MAML3: variants seen among roughly 807,000 people sequenced by gnomAD.
MAML3 encodes the protein mastermind like transcriptional coactivator 3, also known as mastermind-like protein 3.
MAML3 carries 27 observed loss-of-function variants against 101.9 expected under a neutral mutation model. That is an observed-to-expected ratio of 0.27 (90% CI 0.20 to 0.37). MAML3 has a LOEUF of 0.37. MAML3 is among the 10% of genes least tolerant of loss of function. The probability of loss-of-function intolerance (pLI) is 1.00; values close to 1 mark genes in which losing one functional copy is unlikely to be tolerated. For missense variants in MAML3, 1,316 were observed against 1,444.9 expected (o/e 0.91, Z 1.45); for synonymous variants, 501 against 555.9 (o/e 0.90, Z 1.39).
chr4:139,755,533 G>A (rs1378405765), intron 2 of MAML3, among the ~76,000 whole-genome samples: 2 of 152,258 alleles, frequency 1.3e-5, no homozygotes, highest in Non-Finnish European at 2.9e-5. Context: ...GCGTGAACCC[G>A]GGAGGCGGAG....
chr4:139,891,283 C>T, intron 1 of MAML3, among the ~76,000 whole-genome samples: 1 of 152,220 alleles, frequency 6.6e-6, no homozygotes, highest in African/African-American at 2.4e-5. Flanking sequence ...TATTTTCTTT[C>T]TTTTTTTGTT....
chr4:139,741,443 T>C (rs780708385), intron 2 of MAML3, among the ~76,000 whole-genome samples: 1 of 152,330 alleles, frequency 6.6e-6, no homozygotes, highest in South Asian at 2.1e-4. Flanking sequence ...AAATAGCATC[T>C]ATTTTACAGC....
At chr4:139,988,433 C>T (rs767153560) in intron 1 of MAML3, among the ~76,000 whole-genome samples, 4 of 151,426 alleles carry the variant, frequency 2.6e-5, no homozygotes, top group Non-Finnish European at 5.9e-5. Context: ...ATGGGGGAAA[C>T]GCCTTAGAAG....
intron 2 of MAML3, among the ~76,000 whole-genome samples, chr4:139,779,978 T>C (rs1730169245): frequency 6.6e-6 from 1 of 152,268 alleles, no homozygotes; most frequent in Non-Finnish European, 1.5e-5. Flanking sequence ...GCTTGCAGAC[T>C]CTGCTCTGTT....
intron 1 of MAML3, among the ~76,000 whole-genome samples, chr4:140,055,886 TG>T (rs1429265562): frequency 6.6e-6 from 1 of 151,586 alleles, no homozygotes; most frequent in Non-Finnish European, 1.5e-5. Flanking sequence ...AGAAATACAT[TG>T]ACTGGCTTGC....
chr4:139,740,473 T>G (rs1729125362), intron 2 of MAML3: 1 of 152,126 alleles, frequency 6.6e-6, no homozygotes, highest in African/African-American at 2.4e-5. Context: ...TTGCTACCTT[T>G]CTTTCCTTGA....
chr4:140,092,078 ATATATATACG>A (rs1272684887), intron 1 of MAML3, among the ~76,000 whole-genome samples: 8 of 63,936 alleles, frequency 1.3e-4, no homozygotes, highest in South Asian at 9.4e-4. Flanking sequence ...ATATATACGT[ATATATATACG>A]TATATATATA....
intron 1 of MAML3, among the ~76,000 whole-genome samples, chr4:140,004,737 C>A (rs1351338480): frequency 6.6e-6 from 1 of 152,064 alleles, no homozygotes; most frequent in South Asian, 2.1e-4. Flanking sequence ...GCGCAGCTCC[C>A]TTCCCAGACC....
intron 1 of MAML3, among the ~76,000 whole-genome samples, chr4:140,009,244 C>A (rs988069172): frequency 6.6e-6 from 1 of 152,206 alleles, no homozygotes; most frequent in Non-Finnish European, 1.5e-5. Flanking sequence ...GCCAGGAAGG[C>A]AGAGAGTGGT....
At chr4:139,729,044 G>A (rs934976368) in intron 3 of MAML3, among the ~76,000 whole-genome samples, 3 of 151,082 alleles carry the variant, frequency 2.0e-5, no homozygotes, top group South Asian at 2.1e-4. Flanking sequence ...GCTCCTTGTC[G>A]CACACCTTAT....
At chr4:139,834,369 G>A (rs541624584) in intron 2 of MAML3, among the ~76,000 whole-genome samples, 147 of 152,330 alleles carry the variant, frequency 9.7e-4, no homozygotes, top group African/African-American at 3.4e-3. Context: ...CTCTCTGGAG[G>A]GAGGGGTTAC....
At chr4:139,826,709 A>T (rs1731066353) in intron 2 of MAML3, among the ~76,000 whole-genome samples, 1 of 152,166 alleles carries the variant, frequency 6.6e-6, no homozygotes, top group African/African-American at 2.4e-5. Context: ...AGCTGTCCAG[A>T]ACTCCATCAT....
At position 140,073,026 on chromosome 4, in the gene MAML3, T is replaced by C. The variant is rs1727690688; in HGVS notation, c.468+79834A>G. Among the ~76,000 whole-genome samples, 3 of 152,266 alleles carry C rather than the reference T, an allele frequency of 2.0e-5. No homozygotes were observed. In the South Asian group the frequency reaches 6.2e-4, roughly 32 times the overall value. On this transcript the variant is annotated intron_variant, in intron 1 of 4. Coordinates refer to ENST00000509479, the MANE Select transcript of MAML3 (RefSeq NM_018717.5). Reference sequence around the variant, plus strand: ...CAACCTGACCAACAGAAAGTGTGTTTGTCTAGGGAGGGAGGAGGATGGCTG... The same window carrying C: ...CAACCTGACCAACAGAAAGTGTGTTCGTCTAGGGAGGGAGGAGGATGGCTG...
chr4:139,894,817 G>A (rs1732578338), intron 1 of MAML3, among the ~76,000 whole-genome samples: 1 of 152,180 alleles, frequency 6.6e-6, no homozygotes, highest in South Asian at 2.1e-4. Flanking sequence ...CCATGGTTTT[G>A]ATCAGAAGTA....
intron 1 of MAML3, among the ~76,000 whole-genome samples, chr4:140,128,794 C>A: frequency 6.6e-6 from 1 of 152,206 alleles, no homozygotes; most frequent in South Asian, 2.1e-4. Context: ...AGAACTAACA[C>A]CCCAGCAAGC....
At chr4:139,761,585 T>C (rs987353478) in intron 2 of MAML3, among the ~76,000 whole-genome samples, 1 of 152,210 alleles carries the variant, frequency 6.6e-6, no homozygotes, top group Non-Finnish European at 1.5e-5. Flanking sequence ...CATGCACAGA[T>C]GCATATTCAT....
At chr4:139,797,140 T>G (rs1479702485) in intron 2 of MAML3, among the ~76,000 whole-genome samples, 1 of 152,234 alleles carries the variant, frequency 6.6e-6, no homozygotes, top group African/African-American at 2.4e-5. Context: ...AAATATTATG[T>G]ATGTCATGTG....
chr4:139,829,210 G>A (rs184273956), intron 2 of MAML3, among the ~76,000 whole-genome samples: 1 of 146,552 alleles, frequency 6.8e-6, no homozygotes, highest in East Asian at 2.0e-4. Flanking sequence ...GAGGGAGGAA[G>A]GAAGGATGGA....
At chr4:140,138,119 A>G (rs922771821) in intron 1 of MAML3, among the ~76,000 whole-genome samples, 1 of 152,214 alleles carries the variant, frequency 6.6e-6, no homozygotes, top group Admixed American at 6.5e-5. Context: ...GACATCCCTG[A>G]TTGTCACATT....
Sources: allele counts gnomAD v4.1 joint callset (sites outside exome capture counted in the v4.1 genomes callset), GRCh38; gene constraint gnomAD v4.1.1; transcripts MANE v1.5; gene names NCBI Gene and HGNC (gene_info 2026-07-23, HGNC 2026-07-21).